HSD17B3: variants seen among roughly 807,000 people sequenced by gnomAD.
HSD17B3 encodes the protein 17-beta-hydroxysteroid dehydrogenase type 3.
In HSD17B3, 29 loss-of-function variants were observed where a neutral mutation model predicts 41.1. That is an observed-to-expected ratio of 0.71 (90% CI 0.53 to 0.96). The LOEUF (loss-of-function observed/expected upper bound fraction) is 0.96. HSD17B3 is among the 40% of genes least tolerant of loss of function. The pLI is 0.00. For synonymous variants in HSD17B3, 126 were observed against 145.6 expected (o/e 0.87, Z 0.97); for missense variants, 323 against 374.6 (o/e 0.86, Z 1.14).
chr9:96,298,571 A>G (rs2130800174), intron 1 of HSD17B3, 109 bp from the exon 2 acceptor site: 6 of 889,760 alleles, frequency 6.7e-6, no homozygotes, highest in East Asian at 4.8e-5. Flanking sequence ...CAGTACTCCA[A>G]AGGTTCATCC....
intron 2 of HSD17B3, among the ~76,000 whole-genome samples, chr9:96,274,266 C>T (rs922814768): frequency 9.9e-5 from 15 of 152,098 alleles, no homozygotes; most frequent in Non-Finnish European, 1.5e-4. Flanking sequence ...TGGTGAAACC[C>T]CATCTCTACT....
Position 96,244,157 on chromosome 9 carries a change from AAAAGCCCACGTGGCAT to A in HSD17B3, c.672+156_672+171del, listed in dbSNP as rs757506183. 4.4e-4 allele frequency: 322 copies of A among 736,680 alleles called. 1 individual carries two copies. The highest frequency in any genetic ancestry group is 4.9e-4 in the Non-Finnish European group (198 of 406,112). The allele number at this position is 736,680 out of a possible 1,614,324, so 45.6% of individuals were successfully genotyped here. On this transcript the variant is annotated intron_variant, in intron 9 of 10. Coordinates refer to ENST00000375263, the MANE Select transcript of HSD17B3 (RefSeq NM_000197.2). ...GCAGCAGGTGGGACTGAGGCGCCCC[AAAAGCCCACGTGGCAT>A]CCCCAGCTCATCTTCCTGTTGACCA...
intron 2 of HSD17B3, among the ~76,000 whole-genome samples, chr9:96,256,831 C>T (rs1363749337): frequency 3.3e-5 from 5 of 151,962 alleles, no homozygotes; most frequent in East Asian, 1.9e-4. Context: ...CCCACCAAAC[C>T]GTCTGATATG....
intron 7 of HSD17B3, 49 bp from the exon 8 acceptor site, chr9:96,245,475 C>T (rs1397951742): frequency 7.1e-7 from 1 of 1,400,486 alleles, no homozygotes; most frequent in Admixed American, 1.7e-5. Context: ...CCCTACCTGA[C>T]CTTGAGTACA....
At chr9:96,255,412 T>TA (rs1825608280) in intron 2 of HSD17B3, among the ~76,000 whole-genome samples, 1 of 117,786 alleles carries the variant, frequency 8.5e-6, no homozygotes, top group Admixed American at 9.8e-5. Context: ...TTTTTTGCAA[T>TA]AGAGTCTTGC....
intron 2 of HSD17B3, among the ~76,000 whole-genome samples, chr9:96,258,327 A>G (rs893140073): frequency 6.6e-6 from 1 of 152,130 alleles, no homozygotes; most frequent in African/African-American, 2.4e-5. Context: ...TGTTTTTCAA[A>G]TTGGGTGCCT....
chr9:96,246,699 T>G, intron 6 of HSD17B3, 109 bp from the exon 7 acceptor site: 1 of 952,522 alleles, frequency 1.0e-6, no homozygotes, highest in South Asian at 1.3e-5. Flanking sequence ...AAGAGCCTCA[T>G]CTTCTCAGAC....
At chr9:96,246,240 G>C (rs1229468121) in intron 7 of HSD17B3, among the ~76,000 whole-genome samples, 1 of 152,132 alleles carries the variant, frequency 6.6e-6, no homozygotes. Flanking sequence ...TCTTGATCTC[G>C]GGCCAACTTC....
chr9:96,245,503 C>T (rs1836626477), intron 7 of HSD17B3, 77 bp from the exon 8 acceptor site: 2 of 1,055,934 alleles, frequency 1.9e-6, no homozygotes, highest in South Asian at 1.3e-5. Context: ...CAAAGGGTCC[C>T]GTGTGAACAC....
intron 4 of HSD17B3, among the ~76,000 whole-genome samples, chr9:96,252,404 A>G (rs759625851): frequency 2.0e-5 from 3 of 151,974 alleles, no homozygotes; most frequent in Non-Finnish European, 4.4e-5. Context: ...TTAGCTGGGC[A>G]TGGTAGCAGG....
intron 2 of HSD17B3, among the ~76,000 whole-genome samples, chr9:96,263,735 AT>A (rs1427332440): frequency 1.3e-5 from 2 of 152,112 alleles, no homozygotes; most frequent in African/African-American, 2.4e-5. Context: ...GTCAAAAAAA[AT>A]AAATAAAAAA....
Position 96,256,553 on chromosome 9 carries a change from C to T in HSD17B3, c.202-1610G>A, listed in dbSNP as rs547865459. Among the ~76,000 whole-genome samples, 24 of 152,200 alleles carry T rather than the reference C, an allele frequency of 1.6e-4. 2 individuals carry two copies. The South Asian group carries it at 5.0e-3, about 32-fold the overall frequency. ...GAGCGTGATGGCACACGCCTGTGAT[C>T]CTAGCTACTTGGGAGGCTGAGGCAG... On this transcript the variant is annotated intron_variant, in intron 2 of 10. Transcript: ENST00000375263.
intron 2 of HSD17B3, among the ~76,000 whole-genome samples, chr9:96,293,663 G>A (rs1156827518): frequency 2.0e-4 from 27 of 133,676 alleles, no homozygotes; most frequent in Non-Finnish European, 1.6e-5. Context: ...GTGTGTGTAT[G>A]TGTGTGTGTG....
At chr9:96,255,029 T>C (rs1442629598) in intron 2 of HSD17B3, 86 bp from the exon 3 acceptor site, 10 of 1,083,642 alleles carry the variant, frequency 9.2e-6, no homozygotes, top group Non-Finnish European at 1.1e-5. Context: ...CCTGAGACTG[T>C]GCACATACTG....
At chr9:96,269,274 A>G (rs1156733096) in intron 2 of HSD17B3, among the ~76,000 whole-genome samples, 1 of 152,220 alleles carries the variant, frequency 6.6e-6, no homozygotes, top group East Asian at 1.9e-4. Flanking sequence ...CCACCATTGT[A>G]TATGCAGTCT....
intron 2 of HSD17B3, among the ~76,000 whole-genome samples, chr9:96,288,264 T>C (rs1326466799): frequency 2.6e-5 from 4 of 152,226 alleles, no homozygotes; most frequent in Non-Finnish European, 1.5e-5. Flanking sequence ...GTGAATTTTA[T>C]GGTATATAAA....
chr9:96,278,183 G>A (rs1826549893), intron 2 of HSD17B3, among the ~76,000 whole-genome samples: 1 of 152,132 alleles, frequency 6.6e-6, no homozygotes, highest in Admixed American at 6.5e-5. Flanking sequence ...CAAGGACATA[G>A]TTAACATAGA....
At chr9:96,286,713 C>A (rs2987356) in intron 2 of HSD17B3, among the ~76,000 whole-genome samples, 53,340 of 150,352 alleles carry the variant, frequency 0.35, 9,657 homozygotes, top group Middle Eastern at 0.46. Flanking sequence ...AAAAAAAAAA[C>A]CAAGATGGCA....
At chr9:96,290,340 C>T (rs1401780360) in intron 2 of HSD17B3, among the ~76,000 whole-genome samples, 1 of 151,354 alleles carries the variant, frequency 6.6e-6, no homozygotes, top group East Asian at 1.9e-4. Flanking sequence ...CCATTAAGTC[C>T]ATCAAAAAAA....
Sources: allele counts gnomAD v4.1 joint callset (sites outside exome capture counted in the v4.1 genomes callset), GRCh38; gene constraint gnomAD v4.1.1; transcripts MANE v1.5; gene names NCBI Gene and HGNC (gene_info 2026-07-23, HGNC 2026-07-21).